ARHGAP24: variants seen among roughly 807,000 people sequenced by gnomAD.
The protein encoded by ARHGAP24 is rho GTPase-activating protein 24.
ARHGAP24 carries 50 observed loss-of-function variants against 76.4 expected under a neutral mutation model. That is an observed-to-expected ratio of 0.65 (90% CI 0.52 to 0.83). ARHGAP24 has a LOEUF of 0.83. ARHGAP24 is among the 40% of genes least tolerant of loss of function. The pLI, the probability that ARHGAP24 is intolerant of heterozygous loss-of-function variation, is 0.00. For missense variants in ARHGAP24, 930 were observed against 914.2 expected (o/e 1.02, Z -0.22); for synonymous variants, 345 against 323.3 (o/e 1.07, Z -0.72).
At chr4:85,967,235 A>G (rs1399977827) in intron 5 of ARHGAP24, among the ~76,000 whole-genome samples, 2 of 152,164 alleles carry the variant, frequency 1.3e-5, no homozygotes, top group Non-Finnish European at 2.9e-5. Context: ...GAATATACAG[A>G]AAGTGTTACG....
chr4:85,900,417 T>C (rs1253144616), intron 3 of ARHGAP24, among the ~76,000 whole-genome samples: 2 of 152,112 alleles, frequency 1.3e-5, no homozygotes, highest in South Asian at 2.1e-4. Context: ...CTGCAGGTCA[T>C]TTTTAATACA....
chr4:85,610,121 C>T (rs1344310381), intron 2 of ARHGAP24, among the ~76,000 whole-genome samples: 1 of 152,024 alleles, frequency 6.6e-6, no homozygotes, highest in Non-Finnish European at 1.5e-5. Flanking sequence ...TCTAGCAGAG[C>T]GTTTGGCATT....
rs961965251 is a variant in ARHGAP24 at position 85,563,736 on chromosome 4, C to T, written c.-20-6786C>T. 7.9e-5 allele frequency among the ~76,000 whole-genome samples: 12 copies of T among 152,164 alleles called. 1 individual carries two copies. Among genetic ancestry groups the T allele is most frequent in the African/African-American group, 2.9e-4 (12 of 41,442 alleles). On this transcript the variant is annotated intron_variant, in intron 1 of 9. Coordinates refer to ENST00000395184, the MANE Select transcript of ARHGAP24 (RefSeq NM_001025616.3). ...GGCATTCATTGCATCCAGGGAAAATCTAGATGGAGTTGGAAAATGGACAAA... is the reference window on the plus strand; with the variant it reads ...GGCATTCATTGCATCCAGGGAAAATTTAGATGGAGTTGGAAAATGGACAAA...
In ARHGAP24 at chr4:85,575,365, TA is replaced by T. The variant is rs1467309210; in HGVS notation, c.180+4645del. Among the ~76,000 whole-genome samples the T allele has an allele frequency of 7.9e-5, 12 of 152,318 alleles. No individual in the cohort carries two copies. The South Asian group carries it at 2.5e-3, about 32-fold the overall frequency. On this transcript the variant is annotated intron_variant, in intron 2 of 9. Coordinates refer to ENST00000395184, the MANE Select transcript of ARHGAP24 (RefSeq NM_001025616.3). ...TCACAGGCCACTACTATAAACATTTTATAGTGCTGAATTTTTCCAGTTTTTA... is the reference window on the plus strand; with the variant it reads ...TCACAGGCCACTACTATAAACATTTTTAGTGCTGAATTTTTCCAGTTTTTA...
At chr4:85,798,471 C>CA (rs1728454803) in intron 3 of ARHGAP24, among the ~76,000 whole-genome samples, 1 of 152,052 alleles carries the variant, frequency 6.6e-6, no homozygotes, top group Non-Finnish European at 1.5e-5. Context: ...AGTGGTTTCA[C>CA]AAATCAATAT....
intron 5 of ARHGAP24, among the ~76,000 whole-genome samples, chr4:85,961,716 T>C (rs1738264129): frequency 6.6e-6 from 1 of 152,028 alleles, no homozygotes; most frequent in African/African-American, 2.4e-5. Context: ...TATTTAAAAA[T>C]GGAAATATTA....
chr4:85,637,400 G>A (rs1344567770), intron 2 of ARHGAP24, among the ~76,000 whole-genome samples: 1 of 152,012 alleles, frequency 6.6e-6, no homozygotes, highest in Non-Finnish European at 1.5e-5. Flanking sequence ...GGTGTTTTAG[G>A]TTAATTGATA....
chr4:85,637,954 C>T (rs1482782303), intron 2 of ARHGAP24, among the ~76,000 whole-genome samples: 1 of 152,098 alleles, frequency 6.6e-6, no homozygotes, highest in Non-Finnish European at 1.5e-5. Context: ...TCAGAATCTA[C>T]ATTCTCTTTG....
chr4:85,675,202 G>GAA (rs970930442), intron 2 of ARHGAP24, among the ~76,000 whole-genome samples: 3 of 152,238 alleles, frequency 2.0e-5, no homozygotes, highest in African/African-American at 4.8e-5. Context: ...GAAGCCAGTT[G>GAA]AAAAAAACCA....
rs80328074 is a variant in ARHGAP24 at position 85,873,585 on chromosome 4, G to T, written c.269-50063G>T. Among the ~76,000 whole-genome samples, 718 of 152,266 alleles carry T rather than the reference G, an allele frequency of 4.7e-3. 7 individuals carry two copies. The highest frequency in any genetic ancestry group is 0.016 in the African/African-American group (684 of 41,558). On this transcript the variant is annotated intron_variant, in intron 3 of 9. Coordinates refer to ENST00000395184, the MANE Select transcript of ARHGAP24 (RefSeq NM_001025616.3). ...GCTAGAGCATAATGTGATAAATGTTGCCATGGGTGTTCAGAATGTTCAGAA... is the reference window on the plus strand; with the variant it reads ...GCTAGAGCATAATGTGATAAATGTTTCCATGGGTGTTCAGAATGTTCAGAA...
intron 8 of ARHGAP24, among the ~76,000 whole-genome samples, chr4:85,994,282 C>A (rs375484677): frequency 6.6e-6 from 1 of 152,118 alleles, no homozygotes; most frequent in Non-Finnish European, 1.5e-5. Context: ...TGGTCCTTAA[C>A]GTGTAACCTT....
chr4:85,753,171 G>A (rs1001842621), intron 3 of ARHGAP24, among the ~76,000 whole-genome samples: 1 of 152,202 alleles, frequency 6.6e-6, no homozygotes, highest in African/African-American at 2.4e-5. Context: ...TTGTTATACT[G>A]ATTAGAAAGC....
At chr4:85,482,284 G>A (rs779273168) in intron 1 of ARHGAP24, among the ~76,000 whole-genome samples, 15 of 152,140 alleles carry the variant, frequency 9.9e-5, no homozygotes, top group Non-Finnish European at 2.1e-4. Flanking sequence ...CATCATATAT[G>A]TGTTATACAG....
Position 85,923,662 on chromosome 4 carries a change from C to T in ARHGAP24, c.283C>T (p.Arg95Trp), listed in dbSNP as rs1578392741. Residue 95 changes from arginine to tryptophan, a missense_variant, in exon 4 of 10, where the codon CGG (arginine) becomes TGG (tryptophan). Arg to Trp is a moderately radical substitution (Grantham distance 101). Transcript: ENST00000395184. Reference sequence around the variant, plus strand: ...TGTTTTCACAGGAGGCGATCGAGATCGGATGACAGCAAATCATGAAAGCTA... The same window carrying T: ...TGTTTTCACAGGAGGCGATCGAGATTGGATGACAGCAAATCATGAAAGCTA... ...FEVVPGGDRD[R>W]MTANHESYLL... The T allele has an allele frequency of 1.8e-5, 29 of 1,613,706 alleles. No individual in the cohort carries two copies. Among genetic ancestry groups the T allele is most frequent in the Non-Finnish European group, 2.5e-5 (29 of 1,179,804 alleles).
At chr4:85,802,894 G>T (rs1413677839) in intron 3 of ARHGAP24, among the ~76,000 whole-genome samples, 1 of 152,204 alleles carries the variant, frequency 6.6e-6, no homozygotes, top group African/African-American at 2.4e-5. Context: ...AAAATAATTT[G>T]TATGGTAAGT....
intron 3 of ARHGAP24, among the ~76,000 whole-genome samples, chr4:85,859,243 A>ACACACACACACACACACAC (rs60830018): frequency 2.0e-5 from 3 of 150,982 alleles, no homozygotes; most frequent in Admixed American, 6.6e-5. Flanking sequence ...ACACACACAC[A>ACACACACACACACACACAC]AGATGTGCTT....
At chr4:85,920,306 A>G (rs530483666) in intron 3 of ARHGAP24, among the ~76,000 whole-genome samples, 4 of 152,278 alleles carry the variant, frequency 2.6e-5, no homozygotes, top group East Asian at 3.9e-4. Context: ...CTAAGTATAT[A>G]TAATTGTCTC....
intron 3 of ARHGAP24, among the ~76,000 whole-genome samples, chr4:85,881,755 A>G (rs1051977026): frequency 6.6e-6 from 1 of 152,312 alleles, no homozygotes; most frequent in Non-Finnish European, 1.5e-5. Flanking sequence ...CAGATAATAC[A>G]CATAGGAACC....
chr4:85,760,599 C>T (rs1257110532), intron 3 of ARHGAP24, among the ~76,000 whole-genome samples: 3 of 152,140 alleles, frequency 2.0e-5, no homozygotes, highest in South Asian at 2.1e-4. Flanking sequence ...ACCAAAAAGT[C>T]TGTGACACTT....
Sources: allele counts gnomAD v4.1 joint callset (sites outside exome capture counted in the v4.1 genomes callset), GRCh38; gene constraint gnomAD v4.1.1; transcripts MANE v1.5; gene names NCBI Gene and HGNC (gene_info 2026-07-23, HGNC 2026-07-21).